The following ITPR1 variants were observed in gnomAD, a reference collection of about 807,000 sequenced individuals.
ITPR1 encodes inositol 1,4,5-trisphosphate receptor type 1.
In ITPR1, 96 loss-of-function variants were observed where a neutral mutation model predicts 318.4. That is an observed-to-expected ratio of 0.30 (90% CI 0.26 to 0.36). ITPR1 has a LOEUF of 0.36. Ranked by LOEUF, ITPR1 falls within the 10% of genes least tolerant of loss-of-function variation. The pLI, the probability that ITPR1 is intolerant of heterozygous loss-of-function variation, is 1.00. For missense variants in ITPR1, 2,440 were observed against 3,460.2 expected (o/e 0.71, Z 7.40); for synonymous variants, 1,312 against 1,289.9 (o/e 1.02, Z -0.37).
intron 4 of ITPR1, among the ~76,000 whole-genome samples, chr3:4,586,468 C>CTA (rs2089908111): frequency 6.7e-6 from 1 of 150,152 alleles, no homozygotes; most frequent in Admixed American, 6.6e-5. Flanking sequence ...CTTCTTACTG[C>CTA]TATTTAAGTC....
At chr3:4,674,418 T>C in intron 22 of ITPR1, 75 bp downstream of exon 22, 1 of 1,260,690 alleles carries the variant, frequency 7.9e-7, no homozygotes, top group Non-Finnish European at 1.1e-6. Context: ...AAATAGAAAA[T>C]ATGTGAGTAG....
intron 4 of ITPR1, among the ~76,000 whole-genome samples, chr3:4,544,714 T>G (rs1279092230): frequency 6.6e-6 from 1 of 152,250 alleles, no homozygotes; most frequent in East Asian, 1.9e-4. Context: ...GATTTTCTCT[T>G]TATCTGTCAT....
chr3:4,662,760 C>T (rs954617912), intron 15 of ITPR1, among the ~76,000 whole-genome samples: 1 of 151,916 alleles, frequency 6.6e-6, no homozygotes, highest in Non-Finnish European at 1.5e-5. Flanking sequence ...AGACCTCACT[C>T]TCTCTTTCTG....
intron 3 of ITPR1, among the ~76,000 whole-genome samples, chr3:4,517,514 T>G (rs1268875322): frequency 6.6e-6 from 1 of 152,168 alleles, no homozygotes; most frequent in Non-Finnish European, 1.5e-5. Flanking sequence ...GCAGAATGAG[T>G]ATTCCTAGGC....
At chr3:4,576,693 GT>G (rs1252658344) in intron 4 of ITPR1, among the ~76,000 whole-genome samples, 2 of 152,208 alleles carry the variant, frequency 1.3e-5, no homozygotes, top group African/African-American at 4.8e-5. Flanking sequence ...TGTAGCTAAT[GT>G]TTTTATTTGC....
chr3:4,740,609 G>T (rs2043630365), intron 44 of ITPR1, among the ~76,000 whole-genome samples: 1 of 152,176 alleles, frequency 6.6e-6, no homozygotes, highest in South Asian at 2.1e-4. Context: ...TTACTTCCCA[G>T]TCTGGCATAA....
intron 5 of ITPR1, among the ~76,000 whole-genome samples, chr3:4,636,689 A>G (rs1397154240): frequency 2.0e-5 from 3 of 152,244 alleles, no homozygotes; most frequent in Admixed American, 1.3e-4. Flanking sequence ...TCGGCCTCCC[A>G]GAGTGCTGGG....
chr3:4,661,097 G>A lies in ITPR1; in HGVS notation c.1251+10G>A, dbSNP rs75936691. On this transcript the variant is annotated intron_variant, in intron 14 of 61. Coordinates refer to ENST00000649015, the MANE Select transcript of ITPR1 (RefSeq NM_001378452.1). ...GCCCGTGATGCTGAAAGTAAGTCCT[G>A]GGACTTGCCTGTCTCCTTTTGGTCT... 1.7e-3 allele frequency: 2,555 copies of A among 1,504,702 alleles called. 41 individuals are homozygous for A. In the African/African-American group the frequency reaches 0.025, roughly 15 times the overall value. 93.2% of individuals were successfully genotyped at this position (1,504,702 alleles called of 1,614,324 possible).
intron 4 of ITPR1, among the ~76,000 whole-genome samples, chr3:4,624,090 T>G: frequency 6.6e-6 from 1 of 152,190 alleles, no homozygotes; most frequent in East Asian, 1.9e-4. Flanking sequence ...CTGTTATCCT[T>G]TGGCATCATG....
At chr3:4,697,635 A>G (rs181889489) in intron 34 of ITPR1, among the ~76,000 whole-genome samples, 1 of 151,880 alleles carries the variant, frequency 6.6e-6, no homozygotes, top group East Asian at 1.9e-4. Flanking sequence ...TATTTTTAGT[A>G]GAAACAGGGT....
chr3:4,658,324 A>T, intron 13 of ITPR1, 46 bp downstream of exon 13: 3 of 1,524,548 alleles, frequency 2.0e-6, no homozygotes, highest in Non-Finnish European at 2.7e-6. Context: ...GGCCTGGTGT[A>T]GGTGGCCTGA....
chr3:4,663,400 C>G (rs1156891865), intron 16 of ITPR1, among the ~76,000 whole-genome samples, 194 bp downstream of exon 16: 1 of 151,906 alleles, frequency 6.6e-6, no homozygotes, highest in Non-Finnish European at 1.5e-5. Context: ...GAGCCTGTCT[C>G]AAAAGAGAAA....
intron 2 of ITPR1, among the ~76,000 whole-genome samples, chr3:4,503,411 A>G (rs2081174050): frequency 1.3e-5 from 2 of 152,182 alleles, no homozygotes; most frequent in Admixed American, 1.3e-4. Flanking sequence ...AATAGGTGTA[A>G]AAATAAAAAT....
chr3:4,822,232 G>A (rs2049775744), intron 60 of ITPR1, among the ~76,000 whole-genome samples: 1 of 152,220 alleles, frequency 6.6e-6, no homozygotes, highest in Non-Finnish European at 1.5e-5. Flanking sequence ...GCAGGCGAAA[G>A]AGCAACAGGC....
chr3:4,735,375 C>CTG (rs756895781), intron 44 of ITPR1, 21 bp downstream of exon 44: 2 of 1,598,000 alleles, frequency 1.3e-6, no homozygotes, highest in Admixed American at 3.3e-5. Context: ...AGCTTGGCTA[C>CTG]TGGTATGGCA....
intron 52 of ITPR1, among the ~76,000 whole-genome samples, chr3:4,791,131 A>G (rs2047527187): frequency 6.6e-6 from 1 of 152,212 alleles, no homozygotes. Flanking sequence ...AAAAACTAGG[A>G]AAGAATGTTA....
chr3:4,753,533 G>A (rs1411719057), intron 44 of ITPR1, among the ~76,000 whole-genome samples: 2 of 152,086 alleles, frequency 1.3e-5, no homozygotes, highest in East Asian at 1.9e-4. Flanking sequence ...GGGGATGCAG[G>A]GTGGGGAGAC....
chr3:4,801,402 T>G (rs1170009102), intron 54 of ITPR1, among the ~76,000 whole-genome samples: 4 of 152,016 alleles, frequency 2.6e-5, no homozygotes, highest in African/African-American at 9.7e-5. Context: ...CAGCAAGGAC[T>G]TTAGAGAACA....
intron 38 of ITPR1, among the ~76,000 whole-genome samples, chr3:4,711,401 G>T (rs527896034): frequency 6.6e-6 from 1 of 151,956 alleles, no homozygotes; most frequent in Non-Finnish European, 1.5e-5. Flanking sequence ...TACAGTGTTG[G>T]CATATTTGAC....
Sources: gnomAD v4.1 joint callset for allele counts (sites outside exome capture counted in the v4.1 genomes callset) on GRCh38, gnomAD v4.1.1 for gene constraint, MANE v1.5 for transcripts, NCBI Gene and HGNC (gene_info 2026-07-23, HGNC 2026-07-21) for gene names.